The following NCEH1 variants were observed in gnomAD, a reference collection of about 807,000 sequenced individuals.
NCEH1 encodes the protein 2-acetyl MAGE hydrolase.
A neutral mutation model predicts 25.4 loss-of-function variants in NCEH1; 9 were observed. That is an observed-to-expected ratio of 0.35 (90% CI 0.21 to 0.62). The LOEUF (loss-of-function observed/expected upper bound fraction) is 0.62, where lower values mean the gene tolerates loss of function less well. Among genes scored for constraint, NCEH1 ranks in the 20% least tolerant of loss-of-function variants. The probability of loss-of-function intolerance (pLI) is 0.72; values close to 1 mark genes in which losing one functional copy is unlikely to be tolerated. For synonymous variants in NCEH1, 200 were observed against 199.8 expected (o/e 1.00, Z -0.01); for missense variants, 412 against 501.1 (o/e 0.82, Z 1.70).
In NCEH1 at chr3:172,659,817, G is replaced by A. The variant is rs1259206234; in HGVS notation, c.139-11703C>T. 3.9e-5 allele frequency among the ~76,000 whole-genome samples: 6 copies of A among 152,242 alleles called. No individual in the cohort carries two copies. In the East Asian group the frequency reaches 1.2e-3, roughly 29 times the overall value. The stretch of plus-strand genomic sequence containing the variant: ...ATGCTTGACCACTCTGGATCAAACA[G>A]CCACCCCCATCTTTCCCCTTTCCTT... On this transcript the variant is annotated intron_variant, in intron 1 of 4. Transcript: ENST00000475381.
At chr3:172,690,310 C>T (rs924188855) in intron 1 of NCEH1, among the ~76,000 whole-genome samples, 1 of 152,110 alleles carries the variant, frequency 6.6e-6, no homozygotes, top group Non-Finnish European at 1.5e-5. Context: ...AAGTGATATG[C>T]AATAAATATT....
At chr3:172,635,406 T>C (rs1053158452) in intron 4 of NCEH1, among the ~76,000 whole-genome samples, 2 of 152,154 alleles carry the variant, frequency 1.3e-5, no homozygotes, top group African/African-American at 4.8e-5. Context: ...TAGATATAGT[T>C]TTCAAAGAAT....
intron 1 of NCEH1, among the ~76,000 whole-genome samples, chr3:172,662,230 T>C (rs1382273930): frequency 6.6e-6 from 1 of 152,214 alleles, no homozygotes; most frequent in Non-Finnish European, 1.5e-5. Context: ...GATAATCATG[T>C]GGTTTTTGTC....
At chr3:172,698,329 AT>A (rs1244662275) in intron 1 of NCEH1, among the ~76,000 whole-genome samples, 4 of 152,150 alleles carry the variant, frequency 2.6e-5, no homozygotes, top group Non-Finnish European at 5.9e-5. Context: ...AGCCCGGATA[AT>A]TGCTGTCTGG....
In NCEH1 at chr3:172,650,405, A is replaced by T. The variant is rs567685446; in HGVS notation, c.139-2291T>A. Among the ~76,000 whole-genome samples, 3 of 152,154 alleles carry T rather than the reference A, an allele frequency of 2.0e-5. No homozygotes were observed. The Middle Eastern group carries it at 0.01, about 518-fold the overall frequency. ...ACGCCTGTAATCCCAGCACTTTGGG[A>T]GGCCAAGATGGGCGGATCATGAGGT... On this transcript the variant is annotated intron_variant, in intron 1 of 4. Coordinates refer to ENST00000475381, the MANE Select transcript of NCEH1 (RefSeq NM_020792.6).
chr3:172,701,484 C>T (rs1216652030), intron 1 of NCEH1, among the ~76,000 whole-genome samples: 2 of 115,678 alleles, frequency 1.7e-5, no homozygotes, highest in African/African-American at 4.4e-5. Flanking sequence ...GAGTCTCCCT[C>T]TATTGCCCAG....
chr3:172,710,976 C>T lies in NCEH1; in HGVS notation c.9G>A (p.Ser3=), dbSNP rs945540628. MR[S]SCVLLTALVA... ...CCAGGGCGGTGAGCAGGACACAGGA[C>T]GACCTCATCTTGCCCTGGCTCGGCT... Residue 3 remains serine (S), a synonymous_variant, in exon 1 of 5, where the codon TCG becomes TCA. Coordinates refer to ENST00000475381, the MANE Select transcript of NCEH1 (RefSeq NM_020792.6). The T allele has an allele frequency of 1.9e-6, 3 of 1,613,998 alleles. No homozygotes were observed. Among genetic ancestry groups the T allele is most frequent in the Non-Finnish European group, 2.5e-6 (3 of 1,180,024 alleles).
intron 4 of NCEH1, 32 bp downstream of exon 4, chr3:172,635,883 TA>T (rs1716576301): frequency 1.9e-6 from 3 of 1,607,240 alleles, no homozygotes; most frequent in Admixed American, 1.7e-5. Context: ...ATGCACCGCT[TA>T]ACCCACCAGC....
rs768170518 is a variant in NCEH1 at position 172,650,812 on chromosome 3, G to GAAA, written c.139-2701_139-2699dup. ...GGATGACAGAGCGAGACTCTGCCTC[G>GAAA]AAAAAAAAAAAAAAAAAAAAAAAAG... On this transcript the variant is annotated intron_variant, in intron 1 of 4. Transcript: ENST00000475381. 9.4e-3 allele frequency among the ~76,000 whole-genome samples: 336 copies of GAAA among 35,820 alleles called. 9 individuals are homozygous for GAAA. Among genetic ancestry groups the GAAA allele is most frequent in the Non-Finnish European group, 0.013 (229 of 17,702 alleles). 23.5% of individuals were successfully genotyped at this position (35,820 alleles called of 152,430 possible).
At chr3:172,706,019 A>G (rs928986905) in intron 1 of NCEH1, among the ~76,000 whole-genome samples, 16 of 151,392 alleles carry the variant, frequency 1.1e-4, no homozygotes, top group African/African-American at 3.9e-4. Context: ...CCAAAAAAAA[A>G]AAAAAAAAAA....
At chr3:172,674,890 C>T (rs73040891) in intron 1 of NCEH1, among the ~76,000 whole-genome samples, 2,313 of 152,038 alleles carry the variant, frequency 0.015, 66 homozygotes, top group African/African-American at 0.053. Context: ...GTAATAGTTA[C>T]GGATAAAAAG....
intron 1 of NCEH1, chr3:172,681,372 A>C (rs1014619420): frequency 3.3e-5 from 5 of 152,248 alleles, no homozygotes; most frequent in African/African-American, 1.2e-4. Context: ...AAAGTAAGGC[A>C]ATCAGATCCT....
chr3:172,660,027 C>T (rs896408969), intron 1 of NCEH1, among the ~76,000 whole-genome samples: 3 of 151,632 alleles, frequency 2.0e-5, no homozygotes, highest in Non-Finnish European at 2.9e-5. Context: ...TACATGTGCA[C>T]AACGTGCAAG....
At chr3:172,701,342 C>CA (rs1713665391) in intron 1 of NCEH1, among the ~76,000 whole-genome samples, 1 of 152,102 alleles carries the variant, frequency 6.6e-6, no homozygotes, top group Admixed American at 6.5e-5. Flanking sequence ...TCCGATGCTC[C>CA]ATACTCTCCC....
intron 1 of NCEH1, among the ~76,000 whole-genome samples, chr3:172,667,397 A>T (rs933879401): frequency 4.6e-5 from 7 of 152,238 alleles, no homozygotes; most frequent in Non-Finnish European, 1.0e-4. Context: ...CAAAGACGAC[A>T]CAGTCTCTCT....
At chr3:172,635,218 T>C (rs564499908) in intron 4 of NCEH1, among the ~76,000 whole-genome samples, 13 of 152,360 alleles carry the variant, frequency 8.5e-5, no homozygotes, top group African/African-American at 1.4e-4. Flanking sequence ...AGTTCTTGAA[T>C]TATAGCAAAA....
intron 1 of NCEH1, among the ~76,000 whole-genome samples, chr3:172,653,129 G>A (rs1371446366): frequency 6.6e-6 from 1 of 152,082 alleles, no homozygotes; most frequent in Non-Finnish European, 1.5e-5. Context: ...CAGTGCTAGA[G>A]GTCTTAAAAC....
At chr3:172,645,594 A>AT (rs1654213923) in intron 3 of NCEH1, 29 bp downstream of exon 3, 1 of 1,457,526 alleles carries the variant, frequency 6.9e-7, no homozygotes. Context: ...TATAAGAAAA[A>AT]TTTTCTATGA....
Position 172,633,232 on chromosome 3 carries a change from G to A in NCEH1, c.*243C>T, listed in dbSNP as rs763280512. ...TGTAGGTATCAGTATAGTTGGCTAA[G>A]ATAACAAGAACAGAGAGATTGGCCC... On this transcript the variant is annotated 3_prime_UTR_variant, in exon 5 of 5. Transcript: ENST00000475381. The A allele has an allele frequency of 6.0e-6, 3 of 496,088 alleles. No homozygotes were observed. Among genetic ancestry groups the A allele is most frequent in the Non-Finnish European group, 1.1e-5 (3 of 275,754 alleles). The allele number at this position is 496,088 out of a possible 1,614,324, so 30.7% of individuals were successfully genotyped here. A position where few individuals can be genotyped will look rare whatever the true frequency, so the allele number is the denominator to read the frequency against.
Sources: allele counts gnomAD v4.1 joint callset (sites outside exome capture counted in the v4.1 genomes callset), GRCh38; gene constraint gnomAD v4.1.1; transcripts MANE v1.5; gene names NCBI Gene and HGNC (gene_info 2026-07-23, HGNC 2026-07-21).